The following GFPT1 variants were observed in gnomAD, a reference collection of about 807,000 sequenced individuals.
GFPT1 encodes the protein glutamine--fructose-6-phosphate transaminase 1.
GFPT1 carries 40 observed loss-of-function variants against 92.0 expected under a neutral mutation model. The ratio of observed to expected loss-of-function variants is 0.43; its 90% CI spans 0.34 to 0.57. The LOEUF is 0.57. GFPT1 is among the 20% of genes least tolerant of loss of function. The pLI, the probability that GFPT1 is intolerant of heterozygous loss-of-function variation, is 0.02. For synonymous variants in GFPT1, 269 were observed against 280.6 expected, an observed-to-expected ratio of 0.96 and a Z score of 0.41; for missense variants, 448 against 869.1, an observed-to-expected ratio of 0.52 and a Z score of 6.09.
intron 15 of GFPT1, among the ~76,000 whole-genome samples, chr2:69,332,463 G>A (rs557998297): frequency 5.9e-5 from 9 of 151,818 alleles, no homozygotes; most frequent in African/African-American, 9.7e-5. Flanking sequence ...ACAGGCGCCC[G>A]CCACCATGCC....
At chr2:69,334,451 G>C (rs1341382305) in intron 15 of GFPT1, 1 of 151,722 alleles carries the variant, frequency 6.6e-6, no homozygotes, top group African/African-American at 2.4e-5. Context: ...TGGGGTAATG[G>C]GTAAAAAGTA....
At chr2:69,338,993 C>G (rs1350708317) in intron 13 of GFPT1, among the ~76,000 whole-genome samples, 2 of 152,072 alleles carry the variant, frequency 1.3e-5, no homozygotes, top group African/African-American at 4.8e-5. Flanking sequence ...ACCATGTTGG[C>G]CAGGATGGTC....
In GFPT1 at chr2:69,387,086, G is replaced by C; in HGVS notation, c.-15C>G. ...TTACCACACATGATGCCGGAGACAC[G>C]GCCCGCGAGGCCAGGGGCGAGTGGC... On this transcript the variant is annotated 5_prime_UTR_variant, in exon 1 of 20. Coordinates refer to ENST00000357308, the MANE Select transcript of GFPT1 (RefSeq NM_001244710.2). 1 of 1,536,400 alleles carries C rather than the reference G, an allele frequency of 6.5e-7. No homozygotes were observed.
intron 2 of GFPT1, 40 bp from the exon 3 acceptor site, chr2:69,370,148 G>A (rs775807425): frequency 8.5e-7 from 1 of 1,171,514 alleles, no homozygotes; most frequent in South Asian, 1.2e-5. Context: ...TTTAGAAACT[G>A]GCTACTGATA....
intron 18 of GFPT1, among the ~76,000 whole-genome samples, chr2:69,327,779 T>A (rs1670565610): frequency 6.6e-6 from 1 of 152,160 alleles, no homozygotes; most frequent in African/African-American, 2.4e-5. Flanking sequence ...CTGCCCAATA[T>A]GAGATCTATG....
chr2:69,353,086 G>A (rs1671251421), intron 9 of GFPT1, among the ~76,000 whole-genome samples: 1 of 151,512 alleles, frequency 6.6e-6, no homozygotes, highest in African/African-American at 2.4e-5. Context: ...AGATATCAAT[G>A]TCTGTTTAAA....
In GFPT1 at chr2:69,338,464, G is replaced by A; in HGVS notation, c.1305C>T (p.Cys435=). The A allele has an allele frequency of 6.2e-7, 1 of 1,613,218 alleles. No individual in the cohort carries two copies. The highest frequency in any genetic ancestry group is 1.1e-5 in the South Asian group (1 of 91,042). The change falls in exon 14 of 20, where the codon TGC becomes TGT. Residue 435 remains cysteine, a synonymous_variant. Coordinates refer to ENST00000357308, the MANE Select transcript of GFPT1 (RefSeq NM_001244710.2). ...RNTPVFRDDV[C]FFLSQSGETA... ...ACACACCTGATTGACTAAGGAAAAA[G>A]CAAACATCATCTCGAAAGACTGGTG...
In GFPT1 at chr2:69,345,922, T is replaced by C. The variant is rs780000148; in HGVS notation, c.1087A>G (p.Asn363Asp). The C allele has an allele frequency of 6.4e-7, 1 of 1,574,304 alleles. No homozygotes were observed. The highest frequency in any genetic ancestry group is 1.1e-5 in the South Asian group (1 of 90,156). Reference protein sequence around the residue: ...SVVNTMRGRVNFDDYTVNLGG... With the variant: ...SVVNTMRGRVDFDDYTVNLGG... ...TAATTACCAGTATAGTCATCAAAGTTGACTCTTCCTCTCATTGTGTTCACG... is the reference window on the plus strand; with the variant it reads ...TAATTACCAGTATAGTCATCAAAGTCGACTCTTCCTCTCATTGTGTTCACG... The change falls in exon 12 of 20, where the codon AAC becomes GAC. Residue 363 changes from asparagine (N) to aspartate (D), a missense_variant. Physicochemically the swap from Asn to Asp is conservative, Grantham distance 23. Transcript: ENST00000357308.
intron 1 of GFPT1, among the ~76,000 whole-genome samples, chr2:69,377,130 C>A (rs1671890377): frequency 6.7e-6 from 1 of 149,746 alleles, no homozygotes. Context: ...ATTGCTTGAA[C>A]CTGGGAGGCA....
chr2:69,386,393 G>C (rs986184176), intron 1 of GFPT1, among the ~76,000 whole-genome samples: 1 of 152,206 alleles, frequency 6.6e-6, no homozygotes, highest in African/African-American at 2.4e-5. Context: ...ATTTTTCAGA[G>C]CTGGCATTTT....
intron 13 of GFPT1, among the ~76,000 whole-genome samples, chr2:69,341,335 G>A (rs865785983): frequency 6.6e-6 from 1 of 152,066 alleles, no homozygotes; most frequent in South Asian, 2.1e-4. Flanking sequence ...GGGGAGGAGG[G>A]GAGGAGGTAT....
intron 1 of GFPT1, among the ~76,000 whole-genome samples, chr2:69,380,410 CAATT>C (rs1391404874): frequency 6.6e-6 from 1 of 152,028 alleles, no homozygotes; most frequent in Non-Finnish European, 1.5e-5. Flanking sequence ...TGGAGTGAAA[CAATT>C]AAGACTTTCA....
At chr2:69,348,062 T>C (rs1306636636) in intron 11 of GFPT1, 109 bp downstream of exon 11, 2 of 891,450 alleles carry the variant, frequency 2.2e-6, no homozygotes, top group Non-Finnish European at 3.8e-6. Context: ...ACTAATCATG[T>C]GGAAGATTCC....
At chr2:69,358,967 A>G (rs552132779) in intron 5 of GFPT1, among the ~76,000 whole-genome samples, 18 of 152,346 alleles carry the variant, frequency 1.2e-4, no homozygotes, top group Admixed American at 9.8e-4. Flanking sequence ...TATCCTAGGA[A>G]CTTTAAAGCA....
Position 69,359,319 on chromosome 2 carries a change from G to T in GFPT1, c.357C>A (p.Ile119=). ...TGGTGATGATTCCATTGTGAATAACGATAAATTCTAAAAGAGGTAAAAGTG... is the reference window on the plus strand; with the variant it reads ...TGGTGATGATTCCATTGTGAATAACTATAAATTCTAAAAGAGGTAAAAGTG... ...PQRSDKNNEF[I]VIHNGIITNY... is the part of the protein sequence containing the mutation. The change falls in exon 5 of 20, where the codon ATC becomes ATA. Residue 119 remains isoleucine (I), a synonymous_variant. Transcript: ENST00000357308. The T allele has an allele frequency of 6.4e-7, 1 of 1,564,596 alleles. No homozygotes were observed. The highest frequency in any genetic ancestry group is 1.1e-5 in the South Asian group (1 of 89,886).
At chr2:69,329,892 T>C (rs1169098912) in intron 15 of GFPT1, 94 bp from the exon 16 acceptor site, 2 of 776,338 alleles carry the variant, frequency 2.6e-6, no homozygotes, top group South Asian at 1.4e-5. Flanking sequence ...AAAATTCCCA[T>C]TGGTTTTACA....
intron 3 of GFPT1, among the ~76,000 whole-genome samples, chr2:69,367,750 A>G (rs932847890): frequency 6.6e-6 from 1 of 152,152 alleles, no homozygotes; most frequent in African/African-American, 2.4e-5. Context: ...TTGTCATGTC[A>G]CCTTGTTCAC....
chr2:69,376,686 A>G (rs1671879778), intron 1 of GFPT1, among the ~76,000 whole-genome samples: 1 of 152,190 alleles, frequency 6.6e-6, no homozygotes, highest in Non-Finnish European at 1.5e-5. Flanking sequence ...TTCTAAGCAC[A>G]TCCAGAAAAA....
At chr2:69,371,060 A>C (rs1351817444) in intron 2 of GFPT1, among the ~76,000 whole-genome samples, 1 of 142,986 alleles carries the variant, frequency 7.0e-6, no homozygotes, top group East Asian at 2.0e-4. Context: ...TATTCAGCTT[A>C]TTTTTCTTTT....
Sources: gnomAD v4.1 joint callset for allele counts (sites outside exome capture counted in the v4.1 genomes callset) on GRCh38, gnomAD v4.1.1 for gene constraint, MANE v1.5 for transcripts, NCBI Gene and HGNC (gene_info 2026-07-23, HGNC 2026-07-21) for gene names.